Variants in ZNRF2 observed in about 807,000 individuals in gnomAD.
ZNRF2 encodes the protein zinc and ring finger 2.
In ZNRF2, 16 loss-of-function variants were observed where a neutral mutation model predicts 20.4. The ratio of observed to expected loss-of-function variants is 0.79; its 90% confidence interval spans 0.53 to 1.19. ZNRF2 has a LOEUF of 1.19. Among genes scored for constraint, ZNRF2 ranks in the 50% most tolerant of loss-of-function variants. The pLI is 0.00. For synonymous variants in ZNRF2, 178 were observed against 144.9 expected, an observed-to-expected ratio of 1.23 and a Z score of -1.64; for missense variants, 363 against 332.4, an observed-to-expected ratio of 1.09 and a Z score of -0.72.
chr7:30,340,532 G>T (rs550690693), intron 2 of ZNRF2, among the ~76,000 whole-genome samples: 3 of 151,328 alleles, frequency 2.0e-5, no homozygotes, highest in Non-Finnish European at 4.4e-5. Context: ...TTCTGTTGAT[G>T]TGTACATTTA....
In ZNRF2 at chr7:30,360,567, C is replaced by T. The variant is rs192083729; in HGVS notation, c.672-1810C>T. 1.2e-3 allele frequency among the ~76,000 whole-genome samples: 189 copies of T among 151,990 alleles called. 2 individuals are homozygous for T. The East Asian group carries it at 0.035, about 28-fold the overall frequency. ...TAGCTGGGTTTGTGGCAGGTGGCGC[C>T]TGTAATCCCAGCTACCCAGGAGGCT... On this transcript the variant is annotated intron_variant, in intron 3 of 4. Transcript: ENST00000323037.
At chr7:30,321,607 CAAGT>C (rs1306601739) in intron 1 of ZNRF2, among the ~76,000 whole-genome samples, 6 of 152,068 alleles carry the variant, frequency 3.9e-5, no homozygotes, top group African/African-American at 1.4e-4. Context: ...GGATGGCTCT[CAAGT>C]GAGGCTTTTT....
At position 30,285,522 on chromosome 7, in the gene ZNRF2, C is replaced by G; in HGVS notation, c.165C>G (p.Ser55Arg). 9.8e-7 allele frequency: 1 copy of G among 1,015,584 alleles called. No individual in the cohort carries two copies. Among genetic ancestry groups the G allele is most frequent in the Non-Finnish European group, 1.2e-6 (1 of 852,626 alleles). The allele number at this position is 1,015,584 out of a possible 1,614,324, so 62.9% of individuals were successfully genotyped here. The change falls in exon 1 of 5, where the codon AGC (serine) becomes AGG (arginine). Residue 55 changes from serine to arginine, a missense_variant. By Grantham distance (110) the Ser-to-Arg change is moderately radical (BLOSUM62 -1). Transcript: ENST00000323037. The part of the protein sequence containing the change: ...AAGRFPAQVP[S>R]AHQPSASGGA... Reference sequence around the variant, plus strand: ...GGAGGTTCCCGGCTCAGGTGCCCAGCGCGCACCAGCCCAGCGCCTCCGGCG... The same window carrying G: ...GGAGGTTCCCGGCTCAGGTGCCCAGGGCGCACCAGCCCAGCGCCTCCGGCG...
intron 1 of ZNRF2, among the ~76,000 whole-genome samples, chr7:30,322,904 A>G (rs1201376222): frequency 2.6e-5 from 4 of 152,210 alleles, no homozygotes; most frequent in African/African-American, 9.6e-5. Context: ...AGCTGAATAC[A>G]TCAAATAGTC....
At chr7:30,288,658 T>G (rs572674366) in intron 1 of ZNRF2, 2 of 152,336 alleles carry the variant, frequency 1.3e-5, no homozygotes, top group South Asian at 4.1e-4. Context: ...TTTCAGTGTG[T>G]AGAAATTTCC....
chr7:30,334,688 G>C (rs1799690002), intron 2 of ZNRF2, among the ~76,000 whole-genome samples: 2 of 152,254 alleles, frequency 1.3e-5, no homozygotes, highest in South Asian at 4.1e-4. Flanking sequence ...TTGCATGACA[G>C]TATGAATCCT....
Position 30,345,018 on chromosome 7 carries a change from T to C in ZNRF2, c.566-10710T>C, listed in dbSNP as rs149503664. Among the ~76,000 whole-genome samples the C allele has an allele frequency of 2.9e-3, 449 of 152,266 alleles. 6 individuals carry two copies. The highest frequency in any genetic ancestry group is 0.01 in the African/African-American group (431 of 41,566). ...TTTGCCAGAATGCCCAAAGAACTCT[T>C]TTTTATGACCGGTATCAACTAGGGT... On this transcript the variant is annotated intron_variant, in intron 2 of 4. Transcript: ENST00000323037.
At chr7:30,351,561 C>T (rs1799961877) in intron 2 of ZNRF2, among the ~76,000 whole-genome samples, 1 of 151,914 alleles carries the variant, frequency 6.6e-6, no homozygotes, top group African/African-American at 2.4e-5. Context: ...TTAAAACAGT[C>T]CAGTTGCTTT....
intron 2 of ZNRF2, among the ~76,000 whole-genome samples, chr7:30,324,850 A>G (rs1262684277): frequency 1.3e-5 from 2 of 152,192 alleles, no homozygotes; most frequent in Non-Finnish European, 2.9e-5. Flanking sequence ...GGGAACATAT[A>G]TGAGGAGTAG....
At chr7:30,302,318 AAT>A (rs1440081617) in intron 1 of ZNRF2, among the ~76,000 whole-genome samples, 1 of 152,178 alleles carries the variant, frequency 6.6e-6, no homozygotes, top group Non-Finnish European at 1.5e-5. Context: ...AATGTTCTCT[AAT>A]ATCATGCATA....
intron 2 of ZNRF2, among the ~76,000 whole-genome samples, chr7:30,343,429 C>T (rs960942091): frequency 6.6e-6 from 1 of 152,000 alleles, no homozygotes; most frequent in Non-Finnish European, 1.5e-5. Flanking sequence ...TTCACTTGAT[C>T]GTCATGGACT....
intron 1 of ZNRF2, among the ~76,000 whole-genome samples, chr7:30,320,635 G>C (rs1305564323): frequency 6.6e-6 from 1 of 152,110 alleles, no homozygotes; most frequent in East Asian, 1.9e-4. Flanking sequence ...GGTATTGAAA[G>C]GGTTCTGAGC....
chr7:30,363,157 C>G (rs1478949491), intron 4 of ZNRF2, among the ~76,000 whole-genome samples: 1 of 152,018 alleles, frequency 6.6e-6, no homozygotes, highest in Non-Finnish European at 1.5e-5. Context: ...CACTTGAACC[C>G]AGGAAGTGGA....
intron 2 of ZNRF2, among the ~76,000 whole-genome samples, chr7:30,324,221 T>G (rs1364064190): frequency 6.6e-6 from 1 of 151,780 alleles, no homozygotes; most frequent in East Asian, 1.9e-4. Context: ...GCTGCTATAC[T>G]GGAGAGAATG....
chr7:30,289,141 T>C (rs1432044205), intron 1 of ZNRF2: 1 of 152,256 alleles, frequency 6.6e-6, no homozygotes, highest in Non-Finnish European at 1.5e-5. Context: ...GGGTTGCTTT[T>C]GGCCTCCTGA....
intron 2 of ZNRF2, among the ~76,000 whole-genome samples, chr7:30,346,928 C>A (rs1413907804): frequency 1.3e-5 from 2 of 151,966 alleles, no homozygotes; most frequent in African/African-American, 4.8e-5. Flanking sequence ...GATATTTATT[C>A]TAGACTACTA....
At chr7:30,302,458 C>G (rs1298494542) in intron 1 of ZNRF2, among the ~76,000 whole-genome samples, 1 of 151,868 alleles carries the variant, frequency 6.6e-6, no homozygotes, top group African/African-American at 2.4e-5. Context: ...GAAAAACCTC[C>G]GTCTTTAAGA....
At chr7:30,296,065 A>ATTTT (rs1157241996) in intron 1 of ZNRF2, among the ~76,000 whole-genome samples, 1 of 152,222 alleles carries the variant, frequency 6.6e-6, no homozygotes, top group Admixed American at 6.5e-5. Context: ...TAAATATTGA[A>ATTTT]TGTTTCCCAA....
intron 2 of ZNRF2, among the ~76,000 whole-genome samples, chr7:30,338,983 A>G (rs1799757010): frequency 6.6e-6 from 1 of 152,164 alleles, no homozygotes; most frequent in African/African-American, 2.4e-5. Context: ...ATGAGATTGT[A>G]TTTCACTGTG....
Sources: gnomAD v4.1 joint callset for allele counts (sites outside exome capture counted in the v4.1 genomes callset) on GRCh38, gnomAD v4.1.1 for gene constraint, MANE v1.5 for transcripts, NCBI Gene and HGNC (gene_info 2026-07-23, HGNC 2026-07-21) for gene names.